Variants in MYO5B observed in about 807,000 individuals in gnomAD.
MYO5B encodes myosin VB.
Under a neutral mutation model 229.3 loss-of-function variants are expected in MYO5B, and 143 were observed. That is an observed-to-expected ratio of 0.62 (90% CI 0.54 to 0.72). The LOEUF is 0.72. MYO5B is among the 30% of genes least tolerant of loss of function. MYO5B has a pLI of 0.00. For missense variants in MYO5B, 2,321 were observed against 2,331.0 expected (o/e 1.00, Z 0.09); for synonymous variants, 918 against 885.2 (o/e 1.04, Z -0.66).
chr18:49,843,467 A>C, intron 33 of MYO5B, 75 bp from the exon 34 acceptor site: 1 of 1,530,384 alleles, frequency 6.5e-7, no homozygotes, highest in Middle Eastern at 1.7e-4. Context: ...TCCTCATCTG[A>C]ATAGACGTGT....
At chr18:50,074,894 C>T (rs1252571261) in intron 1 of MYO5B, among the ~76,000 whole-genome samples, 3 of 152,072 alleles carry the variant, frequency 2.0e-5, no homozygotes, top group African/African-American at 7.2e-5. Flanking sequence ...GATCTCAGCT[C>T]ACTGCAGCCT....
At chr18:50,086,962 G>A (rs181474104) in intron 1 of MYO5B, among the ~76,000 whole-genome samples, 7 of 152,124 alleles carry the variant, frequency 4.6e-5, no homozygotes, top group East Asian at 1.9e-4. Flanking sequence ...TCCCCAAATC[G>A]GACTGACTGG....
At position 50,036,967 on chromosome 18, in the gene MYO5B, T is replaced by C; in HGVS notation, c.338A>G (p.Tyr113Cys). The change falls in exon 4 of 40, where the codon TAT becomes TGT. Residue 113 changes from tyrosine (Y) to cysteine (C), a missense_variant. This residue lies in a region of MYO5B where 2,113 missense variants were observed against 2,044.7 expected (regional missense o/e 1.03). Transcript: ENST00000285039. ...TTGTCCATAGATTGGCAACTGTTCA[T>C]AAGGATTAATGGCAACAAGTACGAT... Reference protein sequence around the residue: ...CGIVLVAINPYEQLPIYGQDV... With the variant: ...CGIVLVAINPCEQLPIYGQDV... 6.2e-7 allele frequency: 1 copy of C among 1,614,090 alleles called. No individual in the cohort carries two copies. The highest frequency in any genetic ancestry group is 8.5e-7 in the Non-Finnish European group (1 of 1,180,026).
intron 10 of MYO5B, among the ~76,000 whole-genome samples, chr18:49,965,069 AG>A (rs1356571180): frequency 6.6e-6 from 1 of 152,208 alleles, no homozygotes; most frequent in Admixed American, 6.5e-5. Context: ...AGAGTGTGCA[AG>A]CCTGGAGGCA....
chr18:50,195,031 G>A lies in MYO5B; in HGVS notation c.-238C>T, dbSNP rs971900226. 7.4e-6 allele frequency: 3 copies of A among 405,674 alleles called. No individual in the cohort carries two copies. The highest frequency in any genetic ancestry group is 4.2e-5 in the African/African-American group (2 of 47,880). The allele number at this position is 405,674 out of a possible 1,614,324, so 25.1% of individuals were successfully genotyped here. On this transcript the variant is annotated 5_prime_UTR_variant, in exon 1 of 40. Coordinates refer to ENST00000285039, the MANE Select transcript of MYO5B (RefSeq NM_001080467.3). Reference sequence around the variant, plus strand: ...CGGCCGGACAGGAGTTGCGAGCGCCGGGGGAGGAGGCCGCGCCGCACCACT... The same window carrying A: ...CGGCCGGACAGGAGTTGCGAGCGCCAGGGGAGGAGGCCGCGCCGCACCACT...
At chr18:50,073,483 C>A (rs1251253490) in intron 1 of MYO5B, among the ~76,000 whole-genome samples, 1 of 152,188 alleles carries the variant, frequency 6.6e-6, no homozygotes, top group South Asian at 2.1e-4. Flanking sequence ...ACTCTGGCCA[C>A]CTGTTTGCTG....
chr18:49,956,159 C>A (rs573160129), intron 12 of MYO5B, among the ~76,000 whole-genome samples: 6 of 152,322 alleles, frequency 3.9e-5, no homozygotes, highest in African/African-American at 1.4e-4. Flanking sequence ...CCACCTCCAA[C>A]CAAAAATAAG....
chr18:49,962,619 A>G (rs961354467), intron 11 of MYO5B, among the ~76,000 whole-genome samples: 1 of 152,096 alleles, frequency 6.6e-6, no homozygotes, highest in Non-Finnish European at 1.5e-5. Context: ...CACTTTAACA[A>G]TCACCTGAGT....
intron 4 of MYO5B, among the ~76,000 whole-genome samples, chr18:50,012,451 C>A (rs1226817519): frequency 6.6e-6 from 1 of 152,194 alleles, no homozygotes; most frequent in Non-Finnish European, 1.5e-5. Context: ...TCTAGCTATT[C>A]GCTTATGATA....
At chr18:50,114,840 A>G (rs1172556854) in intron 1 of MYO5B, among the ~76,000 whole-genome samples, 1 of 152,164 alleles carries the variant, frequency 6.6e-6, no homozygotes, top group South Asian at 2.1e-4. Context: ...CCCTTGATAA[A>G]GCCCATGACA....
chr18:50,046,693 G>T (rs929772313), intron 2 of MYO5B, among the ~76,000 whole-genome samples: 1 of 152,080 alleles, frequency 6.6e-6, no homozygotes, highest in Admixed American at 6.6e-5. Flanking sequence ...TGCATTAAAA[G>T]GTTGTTTTGT....
At chr18:49,991,537 A>T (rs1375235582) in intron 6 of MYO5B, among the ~76,000 whole-genome samples, 2 of 152,192 alleles carry the variant, frequency 1.3e-5, no homozygotes, top group African/African-American at 4.8e-5. Context: ...AGAGGCAAAG[A>T]GTAGCTGGCA....
intron 2 of MYO5B, among the ~76,000 whole-genome samples, 193 bp downstream of exon 2, chr18:50,055,075 A>G (rs1177781182): frequency 1.3e-5 from 2 of 152,172 alleles, no homozygotes; most frequent in Non-Finnish European, 2.9e-5. Context: ...TTTTTGTGTG[A>G]CATCCATAGA....
Position 50,128,608 on chromosome 18 carries a change from C to T in MYO5B, c.27+66159G>A, listed in dbSNP as rs575413479. The stretch of plus-strand genomic sequence containing the variant: ...GTGCCTTGAGAACAGAGGACTCTCA[C>T]ACTCCCTTGGATTTATCAACAGCTC... On this transcript the variant is annotated intron_variant, in intron 1 of 39. Transcript: ENST00000285039. Among the ~76,000 whole-genome samples the T allele has an allele frequency of 2.0e-5, 3 of 152,324 alleles. No individual in the cohort carries two copies. In the South Asian group the frequency reaches 6.2e-4, roughly 32 times the overall value.
chr18:49,918,984 G>A lies in MYO5B; in HGVS notation c.2091-6811C>T, dbSNP rs748015310. 6.4e-4 allele frequency among the ~76,000 whole-genome samples: 97 copies of A among 152,290 alleles called. 1 individual carries two copies. The highest frequency in any genetic ancestry group is 3.4e-3 in the Middle Eastern group (1 of 294). On this transcript the variant is annotated intron_variant, in intron 17 of 39. Transcript: ENST00000285039. ...CCTTAACCTGTGGACATGCGGTATG[G>A]TGGCTCTACCCTTTTCTATCTGGAG...
intron 4 of MYO5B, among the ~76,000 whole-genome samples, chr18:50,027,808 A>G (rs989288148): frequency 1.3e-5 from 2 of 152,206 alleles, no homozygotes; most frequent in African/African-American, 4.8e-5. Context: ...GACCTGATCT[A>G]TTAGATGCAA....
intron 1 of MYO5B, among the ~76,000 whole-genome samples, chr18:50,158,646 G>T (rs1386099869): frequency 6.6e-6 from 1 of 152,130 alleles, no homozygotes; most frequent in Non-Finnish European, 1.5e-5. Context: ...ATCCTTATTT[G>T]CAAGTGAAAA....
intron 12 of MYO5B, among the ~76,000 whole-genome samples, chr18:49,959,624 C>T (rs557268215): frequency 1.1e-4 from 16 of 152,290 alleles, no homozygotes; most frequent in African/African-American, 1.4e-4. Flanking sequence ...CAGAGCCTGC[C>T]GCCCCACTCA....
chr18:50,049,624 G>A (rs1222705978), intron 2 of MYO5B, among the ~76,000 whole-genome samples: 1 of 152,148 alleles, frequency 6.6e-6, no homozygotes, highest in African/African-American at 2.4e-5. Flanking sequence ...TCTGTTGTGG[G>A]GGTGCCACCT....
Sources: allele counts gnomAD v4.1 joint callset (sites outside exome capture counted in the v4.1 genomes callset), GRCh38; gene constraint gnomAD v4.1.1; regional missense constraint gnomAD v4.1.1; transcripts MANE v1.5; gene names NCBI Gene and HGNC (gene_info 2026-07-23, HGNC 2026-07-21).